The following KCTD8 variants were observed in gnomAD, a reference collection of about 807,000 sequenced individuals.
KCTD8 encodes the protein potassium channel tetramerization domain containing 8.
A neutral mutation model predicts 31.5 loss-of-function variants in KCTD8; 27 were observed. The ratio of observed to expected loss-of-function variants is 0.86; its 90% CI spans 0.63 to 1.18. KCTD8 has a LOEUF of 1.18. KCTD8 is among the 50% of genes most tolerant of loss of function. KCTD8 has a pLI of 0.00. For missense variants in KCTD8, 658 were observed against 647.7 expected (o/e 1.02, Z -0.17); for synonymous variants, 290 against 280.0 (o/e 1.04, Z -0.36).
chr4:44,246,267 ATGAAT>A (rs1469612610), intron 1 of KCTD8, among the ~76,000 whole-genome samples: 2 of 152,010 alleles, frequency 1.3e-5, no homozygotes, highest in Non-Finnish European at 2.9e-5. Flanking sequence ...CTAGTTTAAA[ATGAAT>A]TGAAGTCATT....
intron 1 of KCTD8, among the ~76,000 whole-genome samples, chr4:44,413,704 A>G (rs1048057068): frequency 4.6e-5 from 7 of 152,292 alleles, no homozygotes; most frequent in African/African-American, 1.7e-4. Context: ...TGTAGTAGGC[A>G]GAATAATGCC....
intron 1 of KCTD8, among the ~76,000 whole-genome samples, chr4:44,219,920 A>C (rs1194648985): frequency 1.6e-4 from 25 of 152,222 alleles, no homozygotes; most frequent in Admixed American, 1.6e-3. Flanking sequence ...TGTAAGCTTC[A>C]GGCAATACTA....
intron 1 of KCTD8, among the ~76,000 whole-genome samples, chr4:44,394,607 C>A (rs540301398): frequency 1.8e-4 from 27 of 152,146 alleles, no homozygotes; most frequent in African/African-American, 6.5e-4. Flanking sequence ...ATCTGTCTCT[C>A]TGACATCATT....
intron 1 of KCTD8, among the ~76,000 whole-genome samples, chr4:44,395,502 G>T (rs1720479921): frequency 6.6e-6 from 1 of 151,996 alleles, no homozygotes. Flanking sequence ...TGAGGATTCT[G>T]GGAACACCCA....
intron 1 of KCTD8, among the ~76,000 whole-genome samples, chr4:44,282,448 A>G (rs1716928236): frequency 6.6e-6 from 1 of 152,126 alleles, no homozygotes; most frequent in Non-Finnish European, 1.5e-5. Flanking sequence ...CCTGAGGTAC[A>G]ACAATACTGA....
chr4:44,403,281 C>T (rs759814163), intron 1 of KCTD8, among the ~76,000 whole-genome samples: 10 of 151,874 alleles, frequency 6.6e-5, no homozygotes, highest in Admixed American at 1.3e-4. Flanking sequence ...TAAAATCACA[C>T]GTTTTATGCA....
chr4:44,448,331 C>G lies in KCTD8; in HGVS notation c.193G>C (p.Val65Leu), dbSNP rs762082756. 2 of 1,597,262 alleles carry G rather than the reference C, an allele frequency of 1.3e-6. No homozygotes were observed. Among genetic ancestry groups the G allele is most frequent in the South Asian group, 2.2e-5 (2 of 89,676 alleles). ...YVTKHSTLLS[V>L]PDSTLASMFS... is the part of the protein sequence containing the mutation. ...ATGCTGGCCAAAGTACTGTCCGGGA[C>G]GCTGAGCAGCGTCGAGTGCTTGGTC... Residue 65 changes from valine to leucine, a missense_variant, in exon 1 of 2, where the codon GTC (valine) becomes CTC (leucine). By Grantham distance (32) the Val-to-Leu change is conservative (BLOSUM62 1). Coordinates refer to ENST00000360029, the MANE Select transcript of KCTD8 (RefSeq NM_198353.3). This position sits in a 1 kb window ranked among gnomAD's most constrained non-coding sequence, Gnocchi z 4.1.
At chr4:44,423,250 A>G (rs1243094081) in intron 1 of KCTD8, among the ~76,000 whole-genome samples, 2 of 152,062 alleles carry the variant, frequency 1.3e-5, no homozygotes, top group Non-Finnish European at 2.9e-5. Flanking sequence ...AGAAAGCCTG[A>G]CCTAAATTAA....
At chr4:44,316,721 C>T (rs929175944) in intron 1 of KCTD8, among the ~76,000 whole-genome samples, 2 of 134,794 alleles carry the variant, frequency 1.5e-5, no homozygotes, top group Non-Finnish European at 3.1e-5. Context: ...GAGGCCGAGG[C>T]GGGCCAATCA....
At chr4:44,239,662 A>G (rs979854629) in intron 1 of KCTD8, among the ~76,000 whole-genome samples, 4 of 152,144 alleles carry the variant, frequency 2.6e-5, no homozygotes, top group African/African-American at 9.7e-5. Flanking sequence ...ATCCCTACCC[A>G]TTTGACACTT....
chr4:44,225,378 T>C (rs953033348), intron 1 of KCTD8, among the ~76,000 whole-genome samples: 4 of 152,228 alleles, frequency 2.6e-5, no homozygotes, highest in Admixed American at 1.3e-4. Flanking sequence ...CACCTGTTTT[T>C]ATAAGGTTTT....
At chr4:44,264,936 C>T (rs1338466014) in intron 1 of KCTD8, among the ~76,000 whole-genome samples, 1 of 152,210 alleles carries the variant, frequency 6.6e-6, no homozygotes, top group Non-Finnish European at 1.5e-5. Flanking sequence ...GCCTGCCTGC[C>T]TCTGTAGGCT....
intron 1 of KCTD8, among the ~76,000 whole-genome samples, chr4:44,240,385 CTTG>C (rs1715422658): frequency 6.6e-6 from 1 of 152,186 alleles, no homozygotes; most frequent in Non-Finnish European, 1.5e-5. Flanking sequence ...TTGCCAGAGG[CTTG>C]TTGTGTTGTA....
At chr4:44,271,121 C>A (rs1013083430) in intron 1 of KCTD8, among the ~76,000 whole-genome samples, 2 of 152,026 alleles carry the variant, frequency 1.3e-5, no homozygotes, top group Admixed American at 6.6e-5. Flanking sequence ...GAAAGGATAA[C>A]CATTAACAAA....
intron 1 of KCTD8, among the ~76,000 whole-genome samples, chr4:44,274,858 C>T (rs1369636245): frequency 6.6e-6 from 1 of 151,644 alleles, no homozygotes; most frequent in Non-Finnish European, 1.5e-5. Context: ...ACTATTTTGC[C>T]TTCTGAATGA....
intron 1 of KCTD8, among the ~76,000 whole-genome samples, chr4:44,249,577 G>T (rs113447429): frequency 6.6e-6 from 1 of 151,814 alleles, no homozygotes; most frequent in African/African-American, 2.4e-5. Flanking sequence ...GCATGGTTTC[G>T]TTTCAATAAA....
intron 1 of KCTD8, among the ~76,000 whole-genome samples, chr4:44,412,743 C>T (rs1445973600): frequency 6.6e-6 from 1 of 152,098 alleles, no homozygotes; most frequent in African/African-American, 2.4e-5. Flanking sequence ...AAAAAAATAA[C>T]AGAATGTAAA....
chr4:44,446,477 G>T (rs759787429), intron 1 of KCTD8, among the ~76,000 whole-genome samples: 2 of 151,946 alleles, frequency 1.3e-5, no homozygotes, highest in Non-Finnish European at 2.9e-5. Context: ...CTCTCTAGTC[G>T]TTGTCTTTTC....
intron 1 of KCTD8, among the ~76,000 whole-genome samples, chr4:44,225,815 C>CTTTTTTTTTTTTTTTTT (rs35751540): frequency 1.3e-5 from 1 of 74,450 alleles, no homozygotes; most frequent in Non-Finnish European, 2.5e-5. Flanking sequence ...GGTTTTGTCT[C>CTTTTTTTTTTTTTTTTT]TTTTTTTTTT....
Sources: allele counts gnomAD v4.1 joint callset (sites outside exome capture counted in the v4.1 genomes callset), GRCh38; gene constraint gnomAD v4.1.1; non-coding constraint Gnocchi (gnomAD v3.1); transcripts MANE v1.5; gene names NCBI Gene and HGNC (gene_info 2026-07-23, HGNC 2026-07-21).